SOBP: variants seen among roughly 807,000 people sequenced by gnomAD.
The protein encoded by SOBP is sine oculis binding protein homolog.
SOBP carries 4 observed loss-of-function variants against 53.6 expected under a neutral mutation model. The observed-to-expected ratio is 0.07, with a 90% CI of 0.04 to 0.17. SOBP has a LOEUF of 0.17. Ranked by LOEUF, SOBP falls within the 10% of genes least tolerant of loss-of-function variation. The probability of loss-of-function intolerance (pLI) is 1.00; values close to 1 mark genes in which losing one functional copy is unlikely to be tolerated. For missense variants in SOBP, 1,088 were observed against 1,204.7 expected (o/e 0.90, Z 1.43); for synonymous variants, 584 against 522.6 (o/e 1.12, Z -1.60).
At chr6:107,631,301 A>T (rs1229990593) in intron 5 of SOBP, among the ~76,000 whole-genome samples, 1 of 152,234 alleles carries the variant, frequency 6.6e-6, no homozygotes, top group African/African-American at 2.4e-5. Flanking sequence ...CAATGATTAA[A>T]GAAGCTATTT....
chr6:107,495,878 A>G (rs867399401), intron 1 of SOBP, among the ~76,000 whole-genome samples: 1 of 152,254 alleles, frequency 6.6e-6, no homozygotes, highest in Admixed American at 6.5e-5. Flanking sequence ...CAAAATCCCT[A>G]AAGTCTAAAA....
At chr6:107,637,875 T>A (rs1314299913) in intron 6 of SOBP, among the ~76,000 whole-genome samples, 3 of 152,218 alleles carry the variant, frequency 2.0e-5, no homozygotes, top group Non-Finnish European at 2.9e-5. Flanking sequence ...TGGACCAGAA[T>A]CATTAAAAAT....
intron 5 of SOBP, among the ~76,000 whole-genome samples, chr6:107,619,414 G>A (rs954171496): frequency 1.3e-5 from 2 of 152,194 alleles, no homozygotes; most frequent in Non-Finnish European, 1.5e-5. Context: ...TCTCCTCAGA[G>A]GCTCAGGCAT....
At chr6:107,613,117 G>A (rs1786658600) in intron 5 of SOBP, among the ~76,000 whole-genome samples, 3 of 152,198 alleles carry the variant, frequency 2.0e-5, no homozygotes, top group Admixed American at 2.0e-4. Context: ...GTACACTGAA[G>A]TTTGAGAAGC....
intron 4 of SOBP, among the ~76,000 whole-genome samples, chr6:107,557,406 G>A (rs1361223223): frequency 6.6e-6 from 1 of 152,158 alleles, no homozygotes; most frequent in Admixed American, 6.5e-5. Flanking sequence ...ATTTGTTTTT[G>A]CTGTCTGTAT....
intron 3 of SOBP, among the ~76,000 whole-genome samples, chr6:107,522,438 A>G (rs1394874794): frequency 1.3e-5 from 2 of 152,130 alleles, no homozygotes; most frequent in Non-Finnish European, 2.9e-5. Flanking sequence ...TGAGGGTAAC[A>G]AACTCCATGA....
rs1471568333 is a variant in SOBP at position 107,633,612 on chromosome 6, T to C, written c.768T>C (p.Asn256=). The change falls in exon 6 of 7, where the codon AAT becomes AAC. Residue 256 remains asparagine (N), a synonymous_variant. Coordinates refer to ENST00000317357, the MANE Select transcript of SOBP (RefSeq NM_018013.4). ...RLQFCSAKCL[N]QYKMDIFYKE... ...AGTTCTGCAGTGCAAAATGTCTCAA[T>C]CAATACAAAATGGACATTTTCTACA... 1 of 1,614,216 alleles carries C rather than the reference T, an allele frequency of 6.2e-7. No individual in the cohort carries two copies. Among genetic ancestry groups the C allele is most frequent in the Non-Finnish European group, 8.5e-7 (1 of 1,180,048 alleles).
chr6:107,618,534 A>G (rs1244951204), intron 5 of SOBP, among the ~76,000 whole-genome samples: 6 of 152,216 alleles, frequency 3.9e-5, no homozygotes, highest in Non-Finnish European at 5.9e-5. Flanking sequence ...CCATAGACCA[A>G]TGGGATTTAG....
intron 3 of SOBP, 92 bp from the exon 4 acceptor site, chr6:107,533,367 G>A: frequency 1.5e-6 from 2 of 1,348,832 alleles, no homozygotes; most frequent in Non-Finnish European, 2.1e-6. Context: ...ACTAAAATCA[G>A]GCCCAGGTAG....
chr6:107,634,916 G>A lies in SOBP; in HGVS notation c.2072G>A (p.Gly691Asp). ...AGCGCCGCGGAGCGCAGGACCTGCG[G>A]CGGCTGCAGGGACGGCCACTGCAGC... ...EPSAAERRTCGGCRDGHCSPP... is the reference protein window; with the variant it reads ...EPSAAERRTCDGCRDGHCSPP... The change falls in exon 6 of 7, where the codon GGC (glycine) becomes GAC (aspartate). Residue 691 changes from glycine (G) to aspartate (D), a missense_variant. Gly to Asp is a moderately conservative substitution (Grantham distance 94, BLOSUM62 -1). Around this residue, in one of 6 missense-constraint regions of SOBP, gnomAD observed 665 missense variants for 629.7 expected, o/e 1.06. Transcript: ENST00000317357. This position sits in a 1 kb window ranked among gnomAD's most constrained non-coding sequence, Gnocchi z 4.5. The A allele has an allele frequency of 2.5e-6, 3 of 1,218,290 alleles. No homozygotes were observed. The highest frequency in any genetic ancestry group is 3.1e-6 in the Non-Finnish European group (3 of 971,526). The allele number at this position is 1,218,290 out of a possible 1,614,324, so 75.5% of individuals were successfully genotyped here.
chr6:107,612,738 G>A (rs1319640288), intron 5 of SOBP, among the ~76,000 whole-genome samples: 1 of 152,038 alleles, frequency 6.6e-6, no homozygotes, highest in Non-Finnish European at 1.5e-5. Flanking sequence ...TAATTATTAA[G>A]CAATAATTCC....
At chr6:107,503,629 T>C in intron 1 of SOBP, 28 bp from the exon 2 acceptor site, 1 of 1,613,020 alleles carries the variant, frequency 6.2e-7, no homozygotes, top group Non-Finnish European at 8.5e-7. Flanking sequence ...ATTATAGAAA[T>C]AAGTAGTAGC....
chr6:107,513,943 A>T (rs891437418), intron 3 of SOBP: 11 of 152,752 alleles, frequency 7.2e-5, no homozygotes, highest in African/African-American at 2.6e-4. Flanking sequence ...TGCTATTATT[A>T]ACCTTGTTTT....
At chr6:107,581,213 G>C (rs1785391878) in intron 4 of SOBP, among the ~76,000 whole-genome samples, 1 of 152,220 alleles carries the variant, frequency 6.6e-6, no homozygotes, top group Admixed American at 6.5e-5. Context: ...AGAGGGTGCA[G>C]AGCTTAGGCA....
intron 5 of SOBP, among the ~76,000 whole-genome samples, chr6:107,630,724 G>GACAC (rs36145877): frequency 2.8e-4 from 41 of 148,860 alleles, no homozygotes; most frequent in East Asian, 1.8e-3. Flanking sequence ...ATAAGGCAAG[G>GACAC]ACACACACAC....
intron 3 of SOBP, among the ~76,000 whole-genome samples, chr6:107,516,130 T>C (rs1436594756): frequency 6.6e-6 from 1 of 152,166 alleles, no homozygotes; most frequent in Non-Finnish European, 1.5e-5. Flanking sequence ...TAGTGAAGTA[T>C]TGAAAACTTT....
chr6:107,623,152 G>A (rs1770278822), intron 5 of SOBP, among the ~76,000 whole-genome samples: 1 of 152,180 alleles, frequency 6.6e-6, no homozygotes, highest in Non-Finnish European at 1.5e-5. Context: ...TTTTTTTGAA[G>A]TGCCAAGGAA....
chr6:107,533,519 G>A lies in SOBP; in HGVS notation c.482G>A (p.Arg161His), dbSNP rs747849355. 6.2e-6 allele frequency: 10 copies of A among 1,613,942 alleles called. No individual in the cohort carries two copies. Among genetic ancestry groups the A allele is most frequent in the Non-Finnish European group, 1.7e-6 (2 of 1,179,978 alleles). Residue 161 changes from arginine (R) to histidine (H), a missense_variant, in exon 4 of 7, where the codon CGC becomes CAC. Coordinates refer to ENST00000317357, the MANE Select transcript of SOBP (RefSeq NM_018013.4). ...TGGTGCCAGAAAGTGGGAATCAAGCGCTATTCCCTGAGTATGGGAAGTGAG... is the reference window on the plus strand; with the variant it reads ...TGGTGCCAGAAAGTGGGAATCAAGCACTATTCCCTGAGTATGGGAAGTGAG... The part of the protein sequence containing the change: ...CAWCQKVGIK[R>H]YSLSMGSEVK...
At chr6:107,584,964 T>C (rs1405759467) in intron 4 of SOBP, among the ~76,000 whole-genome samples, 2 of 152,226 alleles carry the variant, frequency 1.3e-5, no homozygotes, top group African/African-American at 4.8e-5. Context: ...TGAATATTTA[T>C]ATACAAGATA....
Sources: allele counts gnomAD v4.1 joint callset (sites outside exome capture counted in the v4.1 genomes callset), GRCh38; gene constraint gnomAD v4.1.1; regional missense constraint gnomAD v4.1.1; non-coding constraint Gnocchi (gnomAD v3.1); transcripts MANE v1.5; gene names NCBI Gene and HGNC (gene_info 2026-07-23, HGNC 2026-07-21).